The following WDR70 variants were observed in gnomAD, a reference collection of about 807,000 sequenced individuals.
WDR70 encodes the protein WD repeat domain 70.
Under a neutral mutation model 88.6 loss-of-function variants are expected in WDR70, and 53 were observed. The observed-to-expected ratio is 0.60, with a 90% confidence interval of 0.48 to 0.75. The LOEUF (loss-of-function observed/expected upper bound fraction) is 0.75. Ranked by LOEUF, WDR70 falls within the 30% of genes least tolerant of loss-of-function variation. WDR70 has a pLI of 0.00. For synonymous variants in WDR70, 280 were observed against 270.0 expected (o/e 1.04, Z -0.36); for missense variants, 610 against 823.2 (o/e 0.74, Z 3.17).
At chr5:37,674,247 T>G (rs996265120) in intron 10 of WDR70, among the ~76,000 whole-genome samples, 3 of 152,042 alleles carry the variant, frequency 2.0e-5, no homozygotes, top group Admixed American at 2.0e-4. Flanking sequence ...TTTATTTTAT[T>G]ATTATTATAC....
At chr5:37,474,790 C>T (rs1176702444) in intron 7 of WDR70, among the ~76,000 whole-genome samples, 1 of 152,156 alleles carries the variant, frequency 6.6e-6, no homozygotes, top group African/African-American at 2.4e-5. Flanking sequence ...TCCATGTGTT[C>T]CCATCATTCA....
At chr5:37,593,498 C>T (rs975756007) in intron 9 of WDR70, among the ~76,000 whole-genome samples, 1 of 152,196 alleles carries the variant, frequency 6.6e-6, no homozygotes, top group East Asian at 1.9e-4. Flanking sequence ...TTTATGGCTG[C>T]ATAGTATTCC....
chr5:37,579,412 C>T (rs994653759), intron 9 of WDR70, among the ~76,000 whole-genome samples: 19 of 151,652 alleles, frequency 1.3e-4, no homozygotes, highest in Non-Finnish European at 2.2e-4. Context: ...GGTGAAACCC[C>T]GTCTCTACTA....
At chr5:37,398,135 C>G (rs1260836892) in intron 5 of WDR70, among the ~76,000 whole-genome samples, 1 of 124,148 alleles carries the variant, frequency 8.1e-6, no homozygotes, top group Non-Finnish European at 1.6e-5. Flanking sequence ...GTCACCGAGG[C>G]TGGAATGTGG....
At chr5:37,684,159 T>C (rs904009910) in intron 10 of WDR70, among the ~76,000 whole-genome samples, 3 of 152,246 alleles carry the variant, frequency 2.0e-5, no homozygotes, top group African/African-American at 7.2e-5. Context: ...GATTACATTA[T>C]GAAATTCTTG....
chr5:37,656,573 C>T (rs1745562442), intron 10 of WDR70, among the ~76,000 whole-genome samples: 1 of 152,170 alleles, frequency 6.6e-6, no homozygotes. Context: ...GTGCTCTGTC[C>T]CAGGGAGATG....
intron 5 of WDR70, among the ~76,000 whole-genome samples, chr5:37,437,526 T>C (rs73749035): frequency 9.2e-5 from 14 of 152,276 alleles, no homozygotes; most frequent in African/African-American, 3.4e-4. Context: ...ATCAACCTTT[T>C]CGCTCCTCTT....
At position 37,401,144 on chromosome 5, in the gene WDR70, A is replaced by C. The variant is rs557429043; in HGVS notation, c.492+4574A>C. Among the ~76,000 whole-genome samples the C allele has an allele frequency of 1.3e-3, 181 of 142,306 alleles. 2 individuals are homozygous for C. The highest frequency in any genetic ancestry group is 4.5e-3 in the African/African-American group (175 of 38,714). 93.4% of individuals were successfully genotyped at this position (142,306 alleles called of 152,430 possible). On this transcript the variant is annotated intron_variant, in intron 5 of 17. Coordinates refer to ENST00000265107, the MANE Select transcript of WDR70 (RefSeq NM_018034.4). The stretch of plus-strand genomic sequence containing the variant: ...CTCCCGAGTAGCTGGGATTACAGGC[A>C]TGTGCCTCTACACCTAGCTATTTTT...
At chr5:37,589,107 G>A (rs888385835) in intron 9 of WDR70, among the ~76,000 whole-genome samples, 7 of 151,326 alleles carry the variant, frequency 4.6e-5, no homozygotes, top group Non-Finnish European at 1.0e-4. Context: ...TGTTCAGGCT[G>A]GTCTAGAACT....
At chr5:37,407,865 A>C (rs1405454207) in intron 5 of WDR70, among the ~76,000 whole-genome samples, 3 of 151,994 alleles carry the variant, frequency 2.0e-5, no homozygotes, top group Non-Finnish European at 4.4e-5. Context: ...TTACAGTATG[A>C]TGCTGCCTCC....
chr5:37,620,011 G>C (rs939981438), intron 10 of WDR70: 1 of 141,630 alleles, frequency 7.1e-6, no homozygotes, highest in South Asian at 2.3e-4. Context: ...TCACAAATTT[G>C]CATGTCATTC....
intron 5 of WDR70, among the ~76,000 whole-genome samples, chr5:37,423,564 C>CTTT (rs374709152): frequency 3.4e-5 from 4 of 118,400 alleles, no homozygotes; most frequent in East Asian, 5.2e-4. Flanking sequence ...TTTTTTTTGT[C>CTTT]TTTTTTTTTT....
At chr5:37,560,981 G>A (rs1742486859) in intron 9 of WDR70, among the ~76,000 whole-genome samples, 1 of 151,708 alleles carries the variant, frequency 6.6e-6, no homozygotes, top group African/African-American at 2.4e-5. Flanking sequence ...AGCCAATCTT[G>A]AAGAAAAAAA....
intron 7 of WDR70, among the ~76,000 whole-genome samples, chr5:37,473,356 T>C (rs958903440): frequency 6.6e-6 from 1 of 151,228 alleles, no homozygotes; most frequent in Non-Finnish European, 1.5e-5. Flanking sequence ...TTTTTTTTTT[T>C]TTTTGAGACT....
rs73067725 is a variant in WDR70, at chr5:37,728,023, T to C, written c.1877+978T>C. Among the ~76,000 whole-genome samples, 1,146 of 152,198 alleles carry C rather than the reference T, an allele frequency of 7.5e-3. 18 individuals are homozygous for C. Among genetic ancestry groups the C allele is most frequent in the African/African-American group, 0.026 (1,079 of 41,550 alleles). ...TTTACATAATCTTAGTACAATTAAT[T>C]ATCAAAACTATAAAACTAACATTAG... On this transcript the variant is annotated intron_variant, in intron 17 of 17. Coordinates refer to ENST00000265107, the MANE Select transcript of WDR70 (RefSeq NM_018034.4).
At chr5:37,428,327 G>T (rs932461177) in intron 5 of WDR70, among the ~76,000 whole-genome samples, 1 of 152,150 alleles carries the variant, frequency 6.6e-6, no homozygotes, top group Admixed American at 6.5e-5. Flanking sequence ...TATAGTTTGT[G>T]AAATTTTAAA....
At chr5:37,403,601 G>A (rs1466689981) in intron 5 of WDR70, among the ~76,000 whole-genome samples, 1 of 152,116 alleles carries the variant, frequency 6.6e-6, no homozygotes, top group African/African-American at 2.4e-5. Flanking sequence ...CTATTTAATA[G>A]GAAAGCAACC....
At chr5:37,654,673 C>T (rs1488642109) in intron 10 of WDR70, among the ~76,000 whole-genome samples, 7 of 151,854 alleles carry the variant, frequency 4.6e-5, no homozygotes, top group Non-Finnish European at 1.0e-4. Flanking sequence ...CTTCTTGTTG[C>T]ATTGATCAAT....
intron 8 of WDR70, among the ~76,000 whole-genome samples, chr5:37,499,809 T>A (rs1554144097): frequency 6.6e-6 from 1 of 152,166 alleles, no homozygotes; most frequent in Non-Finnish European, 1.5e-5. Flanking sequence ...TGTCTTGGCC[T>A]CCCAGAGTGC....
Sources: gnomAD v4.1 joint callset for allele counts (sites outside exome capture counted in the v4.1 genomes callset) on GRCh38, gnomAD v4.1.1 for gene constraint, MANE v1.5 for transcripts, NCBI Gene and HGNC (gene_info 2026-07-23, HGNC 2026-07-21) for gene names.